Variants in GALR2 observed in about 807,000 individuals in gnomAD.
GALR2 encodes galanin receptor 2.
Under a neutral mutation model 7.2 loss-of-function variants are expected in GALR2, and 5 were observed. That is an observed-to-expected ratio of 0.69 (90% CI 0.36 to 1.45). GALR2 has a LOEUF of 1.45. GALR2 is among the 40% of genes most tolerant of loss of function. The pLI, the probability that GALR2 is intolerant of heterozygous loss-of-function variation, is 0.03. For synonymous variants in GALR2, 300 were observed against 263.9 expected, an observed-to-expected ratio of 1.14 and a Z score of -1.32; for missense variants, 561 against 555.7, an observed-to-expected ratio of 1.01 and a Z score of -0.10.
chr17:76,072,480 C>T (rs982853222), upstream of GALR2: 3 of 1,583,014 alleles, frequency 1.9e-6, no homozygotes, highest in African/African-American at 1.4e-5. This position sits in a 1 kb window ranked among gnomAD's most constrained non-coding sequence, Gnocchi z 4.5. Flanking sequence ...GGACCTGCTT[C>T]TCAGCAGCCA....
chr17:76,074,291 G>A (rs891920018), upstream of GALR2, among the ~76,000 whole-genome samples: 24 of 152,328 alleles, frequency 1.6e-4, no homozygotes, highest in African/African-American at 5.8e-4. This position sits in a 1 kb window ranked among gnomAD's most constrained non-coding sequence, Gnocchi z 6.7. Flanking sequence ...ACTCTAGCCT[G>A]GGCGAAAGAG....
upstream of GALR2, chr17:76,072,408 G>A: frequency 6.3e-7 from 1 of 1,595,872 alleles, no homozygotes; most frequent in Non-Finnish European, 8.5e-7. This position sits in a 1 kb window ranked among gnomAD's most constrained non-coding sequence, Gnocchi z 4.5. Flanking sequence ...CACGTCCACC[G>A]CCGCTACCGC....
chr17:76,072,123 C>T (rs1260707445), upstream of GALR2: 9 of 1,178,928 alleles, frequency 7.6e-6, no homozygotes, highest in Non-Finnish European at 1.1e-5. This position sits in a 1 kb window ranked among gnomAD's most constrained non-coding sequence, Gnocchi z 4.5. Flanking sequence ...GAGGGGGACA[C>T]GAGGAAAGAC....
chr17:76,073,788 C>T (rs373936318), upstream of GALR2, among the ~76,000 whole-genome samples: 318 of 151,784 alleles, frequency 2.1e-3, 2 homozygotes, highest in African/African-American at 7.3e-3. Flanking sequence ...AAGACAGAGC[C>T]TGACACAATA....
rs776772676 is a variant in GALR2, at chr17:76,076,927, G to A, written c.660G>A (p.Pro220=). 7.5e-6 allele frequency: 12 copies of A among 1,601,790 alleles called. No homozygotes were observed. The African/African-American group carries it at 1.5e-4, about 20-fold the overall frequency. ...TLRYLWRAVD[P]VAAGSGARRA... Reference sequence around the variant, plus strand: ...GCTACCTCTGGCGCGCCGTCGACCCGGTGGCCGCGGGCTCGGGTGCCCGGC... The same window carrying A: ...GCTACCTCTGGCGCGCCGTCGACCCAGTGGCCGCGGGCTCGGGTGCCCGGC... Residue 220 remains proline, a synonymous_variant, in exon 2 of 2, where the codon CCG becomes CCA. Coordinates refer to ENST00000329003, the MANE Select transcript of GALR2 (RefSeq NM_003857.4). This position sits in a 1 kb window ranked among gnomAD's most constrained non-coding sequence, Gnocchi z 6.5.
chr17:76,073,782 C>G (rs1342114473), upstream of GALR2, among the ~76,000 whole-genome samples: 6 of 151,636 alleles, frequency 4.0e-5, no homozygotes, highest in East Asian at 9.8e-4. Context: ...GAGCCAAAGA[C>G]AGAGCCTGAC....
upstream of GALR2, chr17:76,072,688 G>T: frequency 2.7e-6 from 3 of 1,112,380 alleles, no homozygotes; most frequent in Non-Finnish European, 3.6e-6. The surrounding 1 kb of genome is among the most constrained non-coding windows in gnomAD (Gnocchi z 4.5). Context: ...ATTGTGGCTG[G>T]CTAGGTGGGG....
At chr17:76,072,093 A>C, upstream of GALR2, 1 of 905,474 alleles carries the variant, frequency 1.1e-6, no homozygotes, top group Non-Finnish European at 1.6e-6. This position sits in a 1 kb window ranked among gnomAD's most constrained non-coding sequence, Gnocchi z 4.5. Flanking sequence ...ACTGGAAGAA[A>C]CGGACCTAGC....
rs2066888551 is a variant in GALR2 at position 76,076,412 on chromosome 17, C to T, written c.369-224C>T. 6.6e-6 allele frequency among the ~76,000 whole-genome samples: 1 copy of T among 152,204 alleles called. No individual in the cohort carries two copies. Among genetic ancestry groups the T allele is most frequent in the Admixed American group, 6.5e-5 (1 of 15,280 alleles). ...CTTGAAGGCACACCTTTCCTGCTGCCGGGCCCGCCCCATTTCCAGGCTCCG... is the reference window on the plus strand; with the variant it reads ...CTTGAAGGCACACCTTTCCTGCTGCTGGGCCCGCCCCATTTCCAGGCTCCG... On this transcript the variant is annotated intron_variant, in intron 1 of 1. Coordinates refer to ENST00000329003, the MANE Select transcript of GALR2 (RefSeq NM_003857.4). This position sits in a 1 kb window ranked among gnomAD's most constrained non-coding sequence, Gnocchi z 6.5.
At position 76,074,842 on chromosome 17, in the gene GALR2, G is replaced by T; in HGVS notation, c.-42G>T. ...GGAGCTTCCCGCTCGCGGAGACCCAGACGGCTGCAGGAGCCCGGGCAGCCT... is the reference window on the plus strand; with the variant it reads ...GGAGCTTCCCGCTCGCGGAGACCCATACGGCTGCAGGAGCCCGGGCAGCCT... On this transcript the variant is annotated 5_prime_UTR_variant, in exon 1 of 2. Coordinates refer to ENST00000329003, the MANE Select transcript of GALR2 (RefSeq NM_003857.4). The surrounding 1 kb of genome is among the most constrained non-coding windows in gnomAD (Gnocchi z 6.7). 1 of 1,455,768 alleles carries T rather than the reference G, an allele frequency of 6.9e-7. No homozygotes were observed. Among genetic ancestry groups the T allele is most frequent in the South Asian group, 1.4e-5 (1 of 70,636 alleles). 90.2% of individuals were successfully genotyped at this position (1,455,768 alleles called of 1,614,324 possible).
chr17:76,072,432 ACCGCCGCCGCCACTGCCG>A (rs771498861), upstream of GALR2: 143 of 1,585,474 alleles, frequency 9.0e-5, no homozygotes, highest in African/African-American at 1.2e-3. This position sits in a 1 kb window ranked among gnomAD's most constrained non-coding sequence, Gnocchi z 4.5. Flanking sequence ...CGCCACTGCC[ACCGCCGCCGCCACTGCCG>A]CCGCCGCCGC....
At chr17:76,072,503 G>A (rs1294917814), upstream of GALR2, 1 of 1,580,694 alleles carries the variant, frequency 6.3e-7, no homozygotes, top group Non-Finnish European at 8.5e-7. The surrounding 1 kb of genome is among the most constrained non-coding windows in gnomAD (Gnocchi z 4.5). Flanking sequence ...TTGCCCCTGC[G>A]CCGCAGAGCA....
chr17:76,075,375 A>T lies in GALR2; in HGVS notation c.368+124A>T. ...CAGGACACTAAGAAGGCAGTGGAAG[A>T]CAAGCGGGCGCGGAGGAGGAAAAAG... is the stretch of plus-strand genomic sequence containing the variant. On this transcript the variant is annotated intron_variant, in intron 1 of 1. Coordinates refer to ENST00000329003, the MANE Select transcript of GALR2 (RefSeq NM_003857.4). The surrounding 1 kb of genome is among the most constrained non-coding windows in gnomAD (Gnocchi z 5.9). The T allele has an allele frequency of 1.9e-6, 2 of 1,060,750 alleles. No homozygotes were observed. Among genetic ancestry groups the T allele is most frequent in the Non-Finnish European group, 1.3e-6 (1 of 743,160 alleles). 65.7% of individuals were successfully genotyped at this position (1,060,750 alleles called of 1,614,324 possible).
upstream of GALR2, chr17:76,072,695 G>C (rs1001351674): frequency 3.0e-6 from 3 of 997,522 alleles, no homozygotes; most frequent in Non-Finnish European, 4.2e-6. The surrounding 1 kb of genome is among the most constrained non-coding windows in gnomAD (Gnocchi z 4.5). Flanking sequence ...CTGGCTAGGT[G>C]GGGACTTGAG....
Position 76,077,165 on chromosome 17 carries a change from C to A in GALR2, c.898C>A (p.Arg300Ser). The A allele has an allele frequency of 6.2e-7, 1 of 1,612,266 alleles. No individual in the cohort carries two copies. The highest frequency in any genetic ancestry group is 1.1e-5 in the South Asian group (1 of 90,980). ...TTACGCGCTGGTCTCCAAGCACTTCCGCAAAGGCTTCCGCACGATCTGCGC... is the reference window on the plus strand; with the variant it reads ...TTACGCGCTGGTCTCCAAGCACTTCAGCAAAGGCTTCCGCACGATCTGCGC... ...IVYALVSKHF[R>S]KGFRTICAGL... The change falls in exon 2 of 2, where the codon CGC becomes AGC. Residue 300 changes from arginine (R) to serine (S), a missense_variant. Coordinates refer to ENST00000329003, the MANE Select transcript of GALR2 (RefSeq NM_003857.4).
rs140309278 is a variant in GALR2 at position 76,077,080 on chromosome 17, T to A, written c.813T>A (p.Tyr271Ter). ...FGQFPLTRAT[Y>*]ALRILSHLVS... ...AGTTCCCGCTCACGCGCGCCACTTATGCGCTTCGCATCCTCTCGCACCTGG... is the reference window on the plus strand; with the variant it reads ...AGTTCCCGCTCACGCGCGCCACTTAAGCGCTTCGCATCCTCTCGCACCTGG... The change falls in exon 2 of 2, where the codon TAT (tyrosine) becomes TAA (stop). Residue 271 changes from tyrosine to a stop codon, truncating the protein, a stop_gained. Transcript: ENST00000329003. LOFTEE classifies it low-confidence loss of function (END_TRUNC). The A allele has an allele frequency of 3.1e-6, 5 of 1,612,946 alleles. No homozygotes were observed. The highest frequency in any genetic ancestry group is 3.3e-5 in the Admixed American group (2 of 60,006).
In GALR2 at chr17:76,076,559, CCGAGG is replaced by C; in HGVS notation, c.369-76_369-72del. 2.2e-6 allele frequency: 2 copies of C among 927,708 alleles called. No homozygotes were observed. Among genetic ancestry groups the C allele is most frequent in the Non-Finnish European group, 3.3e-6 (2 of 614,424 alleles). 57.5% of individuals were successfully genotyped at this position (927,708 alleles called of 1,614,324 possible). ...ACCTTCCTCGAGAGCAGCCTTGGGA[CCGAGG>C]TGCAGGGGTCGCGGCCCTCCAGCAT... On this transcript the variant is annotated intron_variant, in intron 1 of 1. Transcript: ENST00000329003. This position sits in a 1 kb window ranked among gnomAD's most constrained non-coding sequence, Gnocchi z 6.5.
At chr17:76,072,394 G>A, upstream of GALR2, 2 of 1,602,740 alleles carry the variant, frequency 1.2e-6, no homozygotes, top group Non-Finnish European at 1.7e-6. The surrounding 1 kb of genome is among the most constrained non-coding windows in gnomAD (Gnocchi z 4.5). Context: ...TTCCCCTCCG[G>A]CACCACGTCC....
chr17:76,075,313 C>A lies in GALR2; in HGVS notation c.368+62C>A, dbSNP rs982061121. 5.8e-6 allele frequency: 9 copies of A among 1,539,626 alleles called. No individual in the cohort carries two copies. The highest frequency in any genetic ancestry group is 7.9e-6 in the Non-Finnish European group (9 of 1,143,162). On this transcript the variant is annotated intron_variant, in intron 1 of 1. Coordinates refer to ENST00000329003, the MANE Select transcript of GALR2 (RefSeq NM_003857.4). This position sits in a 1 kb window ranked among gnomAD's most constrained non-coding sequence, Gnocchi z 5.9. ...TCCACGCGGGGGATGGAGCGGGAGG[C>A]GGGACTGGGGACCAAGAAGGGACGC... is the stretch of plus-strand genomic sequence containing the variant.
Sources: allele counts gnomAD v4.1 joint callset (sites outside exome capture counted in the v4.1 genomes callset), GRCh38; gene constraint gnomAD v4.1.1; non-coding constraint Gnocchi (gnomAD v3.1); transcripts MANE v1.5; gene names NCBI Gene and HGNC (gene_info 2026-07-23, HGNC 2026-07-21).